The following MEI4 variants were observed in gnomAD, a reference collection of about 807,000 sequenced individuals.
MEI4 encodes meiotic double-stranded break formation protein 4, also known as meiosis-specific protein MEI4.
A neutral mutation model predicts 31.4 loss-of-function variants in MEI4; 27 were observed. The observed-to-expected ratio is 0.86, with a 90% CI of 0.63 to 1.19. MEI4 has a LOEUF of 1.19. MEI4 is among the 50% of genes most tolerant of loss of function. The probability of loss-of-function intolerance (pLI) is 0.00; values close to 1 mark genes in which losing one functional copy is unlikely to be tolerated. For synonymous variants in MEI4, 122 were observed against 145.4 expected, an observed-to-expected ratio of 0.84 and a Z score of 1.16; for missense variants, 329 against 398.9, an observed-to-expected ratio of 0.82 and a Z score of 1.49.
At chr6:77,812,237 C>T (rs1232903170) in intron 3 of MEI4, among the ~76,000 whole-genome samples, 1 of 151,786 alleles carries the variant, frequency 6.6e-6, no homozygotes, top group Non-Finnish European at 1.5e-5. Flanking sequence ...CTGTTGCAAA[C>T]TCATATGAAT....
chr6:77,709,442 A>T (rs1199856087), intron 2 of MEI4, among the ~76,000 whole-genome samples: 1 of 152,220 alleles, frequency 6.6e-6, no homozygotes, highest in Non-Finnish European at 1.5e-5. Context: ...AATATAAAGC[A>T]GCAGAAATTA....
At chr6:77,687,601 G>A (rs1301591956) in intron 1 of MEI4, among the ~76,000 whole-genome samples, 1 of 152,102 alleles carries the variant, frequency 6.6e-6, no homozygotes, top group Non-Finnish European at 1.5e-5. Context: ...CTTGCACTCT[G>A]TCTGACTTAT....
intron 4 of MEI4, among the ~76,000 whole-genome samples, chr6:77,850,243 A>T (rs567086897): frequency 1.3e-5 from 2 of 152,086 alleles, no homozygotes; most frequent in Non-Finnish European, 2.9e-5. Flanking sequence ...GCCATCCCCA[A>T]CAAGCTACCA....
intron 2 of MEI4, among the ~76,000 whole-genome samples, chr6:77,727,753 T>C (rs1224567830): frequency 2.6e-5 from 4 of 152,212 alleles, no homozygotes; most frequent in Admixed American, 2.0e-4. Flanking sequence ...AAACATTAAA[T>C]GAAATCTTGA....
At position 77,804,607 on chromosome 6, in the gene MEI4, T is replaced by C. The variant is rs115378780; in HGVS notation, c.769-24324T>C. On this transcript the variant is annotated intron_variant, in intron 3 of 4. Coordinates refer to ENST00000684080, the MANE Select transcript of MEI4 (RefSeq NM_001322247.2). ...GGCCATCTTGCCTCCACCCTCCCCA[T>C]CTCTTTTTTCTTTCTTTTTGCTTTA... is the stretch of plus-strand genomic sequence containing the variant. Among the ~76,000 whole-genome samples the C allele has an allele frequency of 3.4e-3, 511 of 152,278 alleles. 2 individuals carry two copies. The highest frequency in any genetic ancestry group is 0.012 in the African/African-American group (498 of 41,566).
rs545296407 is a variant in MEI4 at position 77,777,209 on chromosome 6, G to A, written c.768+15544G>A. Reference sequence around the variant, plus strand: ...GTAAAAAACTATTGGAAGTTAGAAAGGAAATAGACAATTGATAAATCCCTT... The same window carrying A: ...GTAAAAAACTATTGGAAGTTAGAAAAGAAATAGACAATTGATAAATCCCTT... On this transcript the variant is annotated intron_variant, in intron 3 of 4. Transcript: ENST00000684080. Among the ~76,000 whole-genome samples the A allele has an allele frequency of 2.9e-4, 44 of 152,202 alleles. No homozygotes were observed. The South Asian group carries it at 8.7e-3, about 30-fold the overall frequency.
At chr6:77,868,290 G>A (rs1005640485) in intron 4 of MEI4, among the ~76,000 whole-genome samples, 1 of 150,572 alleles carries the variant, frequency 6.6e-6, no homozygotes, top group Non-Finnish European at 1.5e-5. Context: ...ATGATTAGAG[G>A]TAGCATTATT....
intron 3 of MEI4, among the ~76,000 whole-genome samples, chr6:77,812,201 T>C (rs1422840400): frequency 6.6e-6 from 1 of 152,130 alleles, no homozygotes; most frequent in Admixed American, 6.6e-5. Flanking sequence ...TCTTGAAAAG[T>C]TAGACACTAG....
chr6:77,906,588 A>C (rs1455798378), intron 4 of MEI4, among the ~76,000 whole-genome samples: 1 of 152,196 alleles, frequency 6.6e-6, no homozygotes, highest in Non-Finnish European at 1.5e-5. Flanking sequence ...GTTGTAATTG[A>C]ATAAATCCAT....
intron 3 of MEI4, among the ~76,000 whole-genome samples, chr6:77,784,899 A>G (rs1002943332): frequency 6.6e-6 from 1 of 152,074 alleles, no homozygotes; most frequent in Non-Finnish European, 1.5e-5. Context: ...TCTCATTCTC[A>G]CTTTATAAAG....
intron 2 of MEI4, among the ~76,000 whole-genome samples, chr6:77,700,416 G>A (rs1037587077): frequency 7.9e-5 from 12 of 152,324 alleles, no homozygotes; most frequent in Non-Finnish European, 4.4e-5. Flanking sequence ...ATAATCTCCT[G>A]GTGTGCCGTT....
chr6:77,866,386 A>G (rs1384197010), intron 4 of MEI4, among the ~76,000 whole-genome samples: 1 of 152,222 alleles, frequency 6.6e-6, no homozygotes, highest in East Asian at 1.9e-4. Flanking sequence ...GCAAAGTCTC[A>G]GGATACAAAA....
chr6:77,808,902 G>T (rs939289007), intron 3 of MEI4, among the ~76,000 whole-genome samples: 2 of 152,164 alleles, frequency 1.3e-5, no homozygotes, highest in African/African-American at 4.8e-5. Flanking sequence ...TTATACTCCT[G>T]CATTGATCAA....
chr6:77,790,352 T>A (rs1370052763), intron 3 of MEI4, among the ~76,000 whole-genome samples: 1 of 151,918 alleles, frequency 6.6e-6, no homozygotes, highest in Non-Finnish European at 1.5e-5. Flanking sequence ...TGTATACATA[T>A]GTAACCTGCA....
chr6:77,911,425 C>G (rs1039668166), intron 4 of MEI4, among the ~76,000 whole-genome samples: 2 of 151,870 alleles, frequency 1.3e-5, no homozygotes, highest in African/African-American at 4.8e-5. Flanking sequence ...GCACGGTACC[C>G]AATAGGTAGT....
At chr6:77,921,994 A>G (rs1766714695) in intron 4 of MEI4, among the ~76,000 whole-genome samples, 1 of 151,714 alleles carries the variant, frequency 6.6e-6, no homozygotes, top group South Asian at 2.1e-4. Context: ...CACATGTTGG[A>G]AAAATGACTC....
At chr6:77,740,940 G>T (rs1396627882) in intron 2 of MEI4, among the ~76,000 whole-genome samples, 1 of 152,054 alleles carries the variant, frequency 6.6e-6, no homozygotes, top group Non-Finnish European at 1.5e-5. Flanking sequence ...ACAATAGGGA[G>T]TCACTAAAAC....
chr6:77,799,820 T>C (rs1360994076), intron 3 of MEI4, among the ~76,000 whole-genome samples: 1 of 152,170 alleles, frequency 6.6e-6, no homozygotes, highest in Admixed American at 6.5e-5. Flanking sequence ...GCAGTGTTAT[T>C]TCTGAGGGCT....
At chr6:77,738,214 T>C (rs1767305385) in intron 2 of MEI4, among the ~76,000 whole-genome samples, 1 of 152,226 alleles carries the variant, frequency 6.6e-6, no homozygotes, top group African/African-American at 2.4e-5. Context: ...TATTGTCAAA[T>C]AGTTTAGAGC....
Sources: gnomAD v4.1 joint callset for allele counts (sites outside exome capture counted in the v4.1 genomes callset) on GRCh38, gnomAD v4.1.1 for gene constraint, MANE v1.5 for transcripts, NCBI Gene and HGNC (gene_info 2026-07-23, HGNC 2026-07-21) for gene names.